GABRB2: variants seen among roughly 807,000 people sequenced by gnomAD.
The protein encoded by GABRB2 is gamma-aminobutyric acid type A receptor subunit beta2.
In GABRB2, 16 loss-of-function variants were observed where a neutral mutation model predicts 54.7. The observed-to-expected ratio is 0.29, with a 90% CI of 0.20 to 0.44. GABRB2 has a LOEUF of 0.44. Ranked by LOEUF, GABRB2 falls within the 20% of genes least tolerant of loss-of-function variation. The pLI is 1.00. For missense variants in GABRB2, 355 were observed against 644.0 expected, an observed-to-expected ratio of 0.55 and a Z score of 4.86; for synonymous variants, 244 against 233.8, an observed-to-expected ratio of 1.04 and a Z score of -0.40.
chr5:161,397,485 T>G (rs1205389896), intron 5 of GABRB2, among the ~76,000 whole-genome samples: 1 of 152,138 alleles, frequency 6.6e-6, no homozygotes, highest in East Asian at 1.9e-4. Flanking sequence ...TCGCAAAAAG[T>G]GGCATGTGAA....
intron 3 of GABRB2, among the ~76,000 whole-genome samples, chr5:161,477,055 A>G (rs1202475525): frequency 1.3e-5 from 2 of 151,890 alleles, no homozygotes; most frequent in African/African-American, 4.8e-5. Context: ...TATACAGGAT[A>G]TATTTTTAAA....
At chr5:161,342,526 A>G (rs1483448778) in intron 5 of GABRB2, among the ~76,000 whole-genome samples, 1 of 152,134 alleles carries the variant, frequency 6.6e-6, no homozygotes, top group Admixed American at 6.5e-5. Context: ...ACAGTAGTTT[A>G]GGAAAACCTG....
chr5:161,415,254 G>A lies in GABRB2; in HGVS notation c.459-4197C>T, dbSNP rs551516716. ...GTGTCTTATTTATCCGTAGTAAGTC[G>A]TCTATAGTTAAAAGTGGAAATGTGC... On this transcript the variant is annotated intron_variant, in intron 4 of 9. Coordinates refer to ENST00000393959, the MANE Select transcript of GABRB2 (RefSeq NM_001371727.1). Among the ~76,000 whole-genome samples, 8 of 152,224 alleles carry A rather than the reference G, an allele frequency of 5.3e-5. No homozygotes were observed. The East Asian group carries it at 5.8e-4, about 11-fold the overall frequency.
Position 161,326,475 on chromosome 5 carries a change from A to G in GABRB2, c.1084T>C (p.Tyr362His). Residue 362 changes from tyrosine (Y) to histidine (H), a missense_variant, in exon 9 of 10, where the codon TAT becomes CAT. Tyr to His is a moderately conservative substitution (Grantham distance 83). Coordinates refer to ENST00000393959, the MANE Select transcript of GABRB2 (RefSeq NM_001371727.1). Reference sequence around the variant, plus strand: ...GTCCCATTTTGTTTAATATCTTTATAAAAAATCTGGAAGACAAAGTAGAGA... The same window carrying G: ...GTCCCATTTTGTTTAATATCTTTATGAAAAATCTGGAAGACAAAGTAGAGA... ...KMRLDVNKIF[Y>H]KDIKQNGTQY... 2 of 1,613,100 alleles carry G rather than the reference A, an allele frequency of 1.2e-6. No homozygotes were observed. The highest frequency in any genetic ancestry group is 1.7e-6 in the Non-Finnish European group (2 of 1,179,394).
At chr5:161,531,279 T>C (rs13354139) in intron 3 of GABRB2, among the ~76,000 whole-genome samples, 1 of 152,144 alleles carries the variant, frequency 6.6e-6, no homozygotes, top group Non-Finnish European at 1.5e-5. Context: ...TGATTAATGT[T>C]AAAAGTATTT....
intron 3 of GABRB2, among the ~76,000 whole-genome samples, chr5:161,479,916 A>G (rs1044524792): frequency 3.9e-5 from 6 of 151,984 alleles, no homozygotes; most frequent in African/African-American, 1.2e-4. Flanking sequence ...ACCTTTTTCA[A>G]TGCAGTGCTC....
chr5:161,357,996 C>T (rs1233069736), intron 5 of GABRB2, among the ~76,000 whole-genome samples: 3 of 152,076 alleles, frequency 2.0e-5, no homozygotes. Flanking sequence ...AATCAGCATA[C>T]TGATGATATT....
rs1187070586 is a variant in GABRB2 at position 161,463,823 on chromosome 5, G to C, written c.238-3979C>G. ...GACAAAGGTACAAAGACAGTAGACT[G>C]GAGAAAGCATAATCTTATTATATAA... On this transcript the variant is annotated intron_variant, in intron 3 of 9. Coordinates refer to ENST00000393959, the MANE Select transcript of GABRB2 (RefSeq NM_001371727.1). 2.6e-5 allele frequency among the ~76,000 whole-genome samples: 4 copies of C among 151,050 alleles called. No individual in the cohort carries two copies. In the East Asian group the frequency reaches 7.8e-4, roughly 30 times the overall value.
At chr5:161,373,250 GT>G (rs965239575) in intron 5 of GABRB2, among the ~76,000 whole-genome samples, 11 of 152,158 alleles carry the variant, frequency 7.2e-5, no homozygotes, top group Non-Finnish European at 2.9e-5. Context: ...AGACATGCAA[GT>G]TCTGCCTTTC....
chr5:161,364,525 A>T (rs1308032609), intron 5 of GABRB2, among the ~76,000 whole-genome samples: 1 of 152,204 alleles, frequency 6.6e-6, no homozygotes, highest in Non-Finnish European at 1.5e-5. Context: ...GATCACTTAA[A>T]TATAAAATGT....
intron 5 of GABRB2, among the ~76,000 whole-genome samples, chr5:161,381,504 T>C (rs952810865): frequency 3.9e-5 from 6 of 152,164 alleles, no homozygotes; most frequent in African/African-American, 1.2e-4. Flanking sequence ...TTTGTATAGA[T>C]AATTCATTTA....
chr5:161,354,470 T>C (rs1754559384), intron 5 of GABRB2, among the ~76,000 whole-genome samples: 7 of 151,908 alleles, frequency 4.6e-5, no homozygotes, highest in Admixed American at 3.9e-4. Context: ...AAAAGAAAAC[T>C]CTAGCAACTT....
In GABRB2 at chr5:161,431,345, GAATATTTTCTGCC is replaced by G. The variant is rs564506430; in HGVS notation, c.459-20301_459-20289del. On this transcript the variant is annotated intron_variant, in intron 4 of 9. Transcript: ENST00000393959. The stretch of plus-strand genomic sequence containing the variant: ...GAGTGAGGTCAGGGGAAGCATGGTA[GAATATTTTCTGCC>G]ATGACAAGAAAGACAAGAAAGAATG... 2.9e-4 allele frequency among the ~76,000 whole-genome samples: 44 copies of G among 152,166 alleles called. No individual in the cohort carries two copies. In the East Asian group the frequency reaches 5.2e-3, roughly 18 times the overall value.
chr5:161,332,868 A>C (rs749275788), intron 7 of GABRB2, among the ~76,000 whole-genome samples: 9 of 151,984 alleles, frequency 5.9e-5, no homozygotes, highest in Non-Finnish European at 1.3e-4. Context: ...AAATCTGAGC[A>C]TTTGATTCTG....
At chr5:161,317,430 G>T (rs1677378) in intron 9 of GABRB2, among the ~76,000 whole-genome samples, 2 of 152,280 alleles carry the variant, frequency 1.3e-5, no homozygotes, top group Non-Finnish European at 2.9e-5. Context: ...TAAAATAAGT[G>T]AATGATGCTT....
chr5:161,392,070 T>C (rs1158033385), intron 5 of GABRB2, among the ~76,000 whole-genome samples: 1 of 152,164 alleles, frequency 6.6e-6, no homozygotes, highest in African/African-American at 2.4e-5. Context: ...TTATTAGGAA[T>C]TTCAGTACCA....
intron 5 of GABRB2, among the ~76,000 whole-genome samples, chr5:161,382,847 C>T (rs565691114): frequency 5.9e-5 from 9 of 152,276 alleles, no homozygotes; most frequent in Admixed American, 6.5e-5. Context: ...ATTTTCCTCT[C>T]GAGCAACTCC....
At chr5:161,532,609 C>A (rs1760497790) in intron 3 of GABRB2, among the ~76,000 whole-genome samples, 1 of 152,138 alleles carries the variant, frequency 6.6e-6, no homozygotes, top group African/African-American at 2.4e-5. Flanking sequence ...GGTTACACCC[C>A]TCTCATGTCC....
chr5:161,515,636 AAAGGTTAG>A (rs1378606922), intron 3 of GABRB2, among the ~76,000 whole-genome samples: 3 of 152,232 alleles, frequency 2.0e-5, no homozygotes, highest in Non-Finnish European at 4.4e-5. Flanking sequence ...TGTTAGAGTT[AAAGGTTAG>A]AAGAACATGT....
Sources: gnomAD v4.1 joint callset for allele counts (sites outside exome capture counted in the v4.1 genomes callset) on GRCh38, gnomAD v4.1.1 for gene constraint, MANE v1.5 for transcripts, NCBI Gene and HGNC (gene_info 2026-07-23, HGNC 2026-07-21) for gene names.